Variants in DLG1 observed in about 807,000 individuals in gnomAD.
DLG1 encodes disks large homolog 1.
In DLG1, 42 loss-of-function variants were observed where a neutral mutation model predicts 123.4. The observed-to-expected ratio is 0.34, with a 90% CI of 0.27 to 0.44. DLG1 has a LOEUF of 0.44. Among genes scored for constraint, DLG1 ranks in the 20% least tolerant of loss-of-function variants. The probability of loss-of-function intolerance (pLI) is 1.00; values close to 1 mark genes in which losing one functional copy is unlikely to be tolerated. For synonymous variants in DLG1, 317 were observed against 356.2 expected (o/e 0.89, Z 1.24); for missense variants, 942 against 1,082.6 (o/e 0.87, Z 1.82).
intron 16 of DLG1, among the ~76,000 whole-genome samples, chr3:197,084,802 A>G (rs890779878): frequency 2.7e-5 from 4 of 150,744 alleles, no homozygotes; most frequent in African/African-American, 7.3e-5. Flanking sequence ...AGATATAGAT[A>G]TTTAGACAGA....
chr3:197,171,877 CCA>C (rs1267603118), intron 5 of DLG1, among the ~76,000 whole-genome samples: 1 of 152,040 alleles, frequency 6.6e-6, no homozygotes, highest in Non-Finnish European at 1.5e-5. Flanking sequence ...ATAAGCAAAA[CCA>C]CAGACTTCAT....
chr3:197,253,515 T>C (rs1034990244), intron 4 of DLG1, among the ~76,000 whole-genome samples: 8 of 152,170 alleles, frequency 5.3e-5, no homozygotes, highest in African/African-American at 1.7e-4. Context: ...CAAGCAAACA[T>C]GCAACTATCA....
At chr3:197,239,818 G>A (rs1245884705) in intron 4 of DLG1, among the ~76,000 whole-genome samples, 5 of 137,470 alleles carry the variant, frequency 3.6e-5, no homozygotes, top group South Asian at 2.3e-4. Context: ...ATGAAGATGC[G>A]ACAGTTCAGG....
intron 12 of DLG1, among the ~76,000 whole-genome samples, chr3:197,117,093 A>T (rs527254519): frequency 1.7e-4 from 26 of 152,294 alleles, no homozygotes; most frequent in Non-Finnish European, 3.1e-4. Context: ...AAGGTGCTCA[A>T]CATCATCAGT....
intron 10 of DLG1, among the ~76,000 whole-genome samples, chr3:197,131,813 T>C (rs967367127): frequency 6.6e-6 from 1 of 151,692 alleles, no homozygotes; most frequent in Non-Finnish European, 1.5e-5. Context: ...CGGGATGGTC[T>C]CGATCTCCTG....
At chr3:197,259,757 G>C (rs1056621417) in intron 4 of DLG1, among the ~76,000 whole-genome samples, 2 of 152,082 alleles carry the variant, frequency 1.3e-5, no homozygotes, top group Non-Finnish European at 2.9e-5. Context: ...TTCAAGGAGT[G>C]CTTGTACAAG....
At chr3:197,136,813 T>A (rs1441707557) in intron 9 of DLG1, 135 bp from the exon 10 acceptor site, 2 of 704,674 alleles carry the variant, frequency 2.8e-6, no homozygotes, top group East Asian at 5.6e-5. Flanking sequence ...TTTAGTTATC[T>A]ACTAGTATAT....
rs71164203 is a variant in DLG1 at position 197,278,282 on chromosome 3, CAAAAAAA to C, written c.318+4390_318+4396del. ...TCGGTGGGAGAGCAAGACTCTGTCC[CAAAAAAA>C]AAAAAAAAAAAAAAAAAAAAAAGAA... On this transcript the variant is annotated intron_variant, in intron 4 of 24. Transcript: ENST00000667157. 5.9e-4 allele frequency among the ~76,000 whole-genome samples: 22 copies of C among 37,524 alleles called. No homozygotes were observed. The East Asian group carries it at 6.2e-3, about 11-fold the overall frequency. The allele number at this position is 37,524 out of a possible 152,430, so 24.6% of individuals were successfully genotyped here.
At chr3:197,057,752 G>T (rs1350088199) in intron 23 of DLG1, among the ~76,000 whole-genome samples, 1 of 152,038 alleles carries the variant, frequency 6.6e-6, no homozygotes, top group Non-Finnish European at 1.5e-5. Flanking sequence ...TGCCTCTGTT[G>T]ATCTCTTTGG....
chr3:197,175,568 T>C (rs1040034981), intron 5 of DLG1, among the ~76,000 whole-genome samples: 2 of 152,200 alleles, frequency 1.3e-5, no homozygotes, highest in Admixed American at 6.5e-5. Context: ...GATCCAACAA[T>C]ATTTAGAAGT....
intron 4 of DLG1, among the ~76,000 whole-genome samples, chr3:197,242,025 A>G (rs1339020951): frequency 6.6e-6 from 1 of 152,138 alleles, no homozygotes; most frequent in African/African-American, 2.4e-5. Flanking sequence ...AGAAAGAAAC[A>G]AGACCCAATT....
chr3:197,081,546 G>A (rs1179102097), intron 16 of DLG1, among the ~76,000 whole-genome samples: 1 of 152,150 alleles, frequency 6.6e-6, no homozygotes, highest in Admixed American at 6.5e-5. Flanking sequence ...ATATGTGGAC[G>A]TTCACTGTAT....
intron 4 of DLG1, among the ~76,000 whole-genome samples, chr3:197,222,101 C>T (rs539703783): frequency 6.6e-6 from 1 of 152,238 alleles, no homozygotes; most frequent in Admixed American, 6.5e-5. Context: ...ATTTTTCCCC[C>T]GAATTCTGAT....
chr3:197,291,949 A>C (rs997110763), intron 3 of DLG1, among the ~76,000 whole-genome samples: 1 of 152,252 alleles, frequency 6.6e-6, no homozygotes, highest in Non-Finnish European at 1.5e-5. Flanking sequence ...CTATTATCAA[A>C]AAAAGAAAGG....
chr3:197,183,747 G>C, intron 5 of DLG1: 1 of 1,550,516 alleles, frequency 6.4e-7, no homozygotes, highest in Non-Finnish European at 8.7e-7. Context: ...GCTAGAGCTA[G>C]TATTGCCTCC....
intron 15 of DLG1, among the ~76,000 whole-genome samples, chr3:197,088,775 T>C (rs1404375262): frequency 6.6e-6 from 1 of 152,158 alleles, no homozygotes; most frequent in Non-Finnish European, 1.5e-5. Flanking sequence ...GAAAGATATT[T>C]AGTAGTAAGA....
intron 13 of DLG1, among the ~76,000 whole-genome samples, chr3:197,110,030 A>G (rs56924278): frequency 0.041 from 6,302 of 152,224 alleles, 181 homozygotes; most frequent in Non-Finnish European, 0.054. Flanking sequence ...AATGGTTTTA[A>G]TCAAGTTCTA....
intron 7 of DLG1, among the ~76,000 whole-genome samples, chr3:197,142,151 T>C (rs1560995708): frequency 6.6e-6 from 1 of 152,220 alleles, no homozygotes; most frequent in Non-Finnish European, 1.5e-5. Context: ...AAAATTGATA[T>C]AATGACCATG....
intron 4 of DLG1, among the ~76,000 whole-genome samples, chr3:197,233,161 A>G (rs1214795927): frequency 6.6e-6 from 1 of 152,210 alleles, no homozygotes; most frequent in Non-Finnish European, 1.5e-5. Context: ...TGAAAACAAA[A>G]TTAAGAAAAT....
Sources: allele counts gnomAD v4.1 joint callset (sites outside exome capture counted in the v4.1 genomes callset), GRCh38; gene constraint gnomAD v4.1.1; transcripts MANE v1.5; gene names NCBI Gene and HGNC (gene_info 2026-07-23, HGNC 2026-07-21).